Variants in GRM8 observed in about 807,000 individuals in gnomAD.
GRM8 encodes the protein glutamate metabotropic receptor 8, also known as metabotropic glutamate receptor 8.
In GRM8, 47 loss-of-function variants were observed where a neutral mutation model predicts 87.2. The observed-to-expected ratio is 0.54, with a 90% CI of 0.43 to 0.69. The LOEUF (loss-of-function observed/expected upper bound fraction) is 0.69, where lower values mean the gene tolerates loss of function less well. GRM8 is among the 30% of genes least tolerant of loss of function. The pLI is 0.00. For missense variants in GRM8, 1,019 were observed against 1,139.2 expected, an observed-to-expected ratio of 0.89 and a Z score of 1.52; for synonymous variants, 396 against 404.5, an observed-to-expected ratio of 0.98 and a Z score of 0.25.
intron 2 of GRM8, among the ~76,000 whole-genome samples, chr7:127,119,762 C>G (rs912911395): frequency 6.6e-6 from 1 of 152,136 alleles, no homozygotes; most frequent in Admixed American, 6.5e-5. Context: ...TAAGCACTTA[C>G]GATATGTCAA....
intron 6 of GRM8, among the ~76,000 whole-genome samples, chr7:126,817,193 A>T (rs954796031): frequency 6.0e-5 from 9 of 149,078 alleles, no homozygotes; most frequent in Non-Finnish European, 1.0e-4. Flanking sequence ...TACTAACTGG[A>T]TTACTTCTAT....
chr7:126,856,261 T>C (rs557862452), intron 6 of GRM8, among the ~76,000 whole-genome samples: 1 of 152,304 alleles, frequency 6.6e-6, no homozygotes, highest in Admixed American at 6.5e-5. Flanking sequence ...AGTGCATCCT[T>C]TTTATTAGCA....
At chr7:126,937,346 T>C (rs1206962196) in intron 3 of GRM8, among the ~76,000 whole-genome samples, 1 of 152,222 alleles carries the variant, frequency 6.6e-6, no homozygotes, top group African/African-American at 2.4e-5. Flanking sequence ...GCTACTTTAA[T>C]GTGGAACTGG....
intron 3 of GRM8, among the ~76,000 whole-genome samples, chr7:126,914,126 C>G (rs1803610039): frequency 6.6e-6 from 1 of 152,156 alleles, no homozygotes; most frequent in Non-Finnish European, 1.5e-5. Context: ...GAAGCAGACA[C>G]TTCTCAAAAG....
At chr7:127,060,948 C>A (rs1820542899) in intron 3 of GRM8, among the ~76,000 whole-genome samples, 1 of 152,162 alleles carries the variant, frequency 6.6e-6, no homozygotes, top group Non-Finnish European at 1.5e-5. Context: ...CACATTTGTG[C>A]AAATGTGTCC....
At chr7:127,142,336 G>C (rs960111511) in intron 2 of GRM8, among the ~76,000 whole-genome samples, 3 of 152,098 alleles carry the variant, frequency 2.0e-5, no homozygotes, top group African/African-American at 7.2e-5. Context: ...GAGTGCACAA[G>C]CTAGTGCATG....
At chr7:126,448,832 T>A (rs1802302087) in intron 9 of GRM8, among the ~76,000 whole-genome samples, 1 of 151,712 alleles carries the variant, frequency 6.6e-6, no homozygotes, top group Admixed American at 6.6e-5. Flanking sequence ...GGGAGCTAAA[T>A]GATAAGAACA....
chr7:126,745,506 C>A lies in GRM8; in HGVS notation c.1357+24359G>T, dbSNP rs369262278. On this transcript the variant is annotated intron_variant, in intron 7 of 10. Coordinates refer to ENST00000339582, the MANE Select transcript of GRM8 (RefSeq NM_000845.3). ...TCCTAAATATCTTCACTTGAATATT[C>A]CACAGAGAGCTCTCATAGGTCCAAA... Among the ~76,000 whole-genome samples, 41 of 150,966 alleles carry A rather than the reference C, an allele frequency of 2.7e-4. No individual in the cohort carries two copies. The East Asian group carries it at 2.9e-3, about 11-fold the overall frequency.
At chr7:126,723,076 AG>A (rs1458915907) in intron 7 of GRM8, among the ~76,000 whole-genome samples, 2 of 150,110 alleles carry the variant, frequency 1.3e-5, no homozygotes, top group Non-Finnish European at 3.0e-5. Flanking sequence ...TTTTCTTTGG[AG>A]GGTGCTTTTC....
At chr7:126,493,959 G>T (rs1268555013) in intron 9 of GRM8, among the ~76,000 whole-genome samples, 1 of 151,914 alleles carries the variant, frequency 6.6e-6, no homozygotes, top group African/African-American at 2.4e-5. Flanking sequence ...AGCTTCCCTG[G>T]CATGACTGGC....
intron 6 of GRM8, among the ~76,000 whole-genome samples, chr7:126,771,661 T>C (rs1818853234): frequency 6.6e-6 from 1 of 152,102 alleles, no homozygotes; most frequent in South Asian, 2.1e-4. Flanking sequence ...AAATTAGTTT[T>C]CTAAACCTTT....
intron 7 of GRM8, among the ~76,000 whole-genome samples, chr7:126,627,098 T>G (rs969141590): frequency 6.6e-6 from 1 of 152,230 alleles, no homozygotes; most frequent in Non-Finnish European, 1.5e-5. Flanking sequence ...TATTCCTAGA[T>G]AATATTATCT....
intron 10 of GRM8, 140 bp downstream of exon 10, chr7:126,445,986 A>G: frequency 1.0e-6 from 1 of 954,368 alleles, no homozygotes; most frequent in Non-Finnish European, 1.6e-6. Flanking sequence ...TTTAAATGTG[A>G]TGGTGTCACG....
intron 3 of GRM8, among the ~76,000 whole-genome samples, chr7:126,972,671 A>G (rs1297198603): frequency 1.3e-5 from 2 of 152,224 alleles, no homozygotes; most frequent in Non-Finnish European, 2.9e-5. Context: ...TCCTCTTAGG[A>G]ACAAAGATGC....
chr7:126,577,165 A>T (rs1795189261), intron 8 of GRM8, among the ~76,000 whole-genome samples: 1 of 152,214 alleles, frequency 6.6e-6, no homozygotes, highest in African/African-American at 2.4e-5. Context: ...CACAGTCAGG[A>T]GAGCAGAGGT....
At chr7:126,824,319 T>G (rs1030356549) in intron 6 of GRM8, among the ~76,000 whole-genome samples, 2 of 152,152 alleles carry the variant, frequency 1.3e-5, no homozygotes, top group South Asian at 4.1e-4. Context: ...GTATATATTT[T>G]TATGTATGTA....
chr7:126,467,388 T>C (rs536253005), intron 9 of GRM8, among the ~76,000 whole-genome samples: 115 of 152,192 alleles, frequency 7.6e-4, no homozygotes, highest in Non-Finnish European at 1.3e-3. Context: ...TTACTAGTTT[T>C]CACAGCAATT....
intron 2 of GRM8, among the ~76,000 whole-genome samples, chr7:127,162,860 C>G (rs1273523377): frequency 6.6e-6 from 1 of 152,144 alleles, no homozygotes; most frequent in East Asian, 1.9e-4. Flanking sequence ...TGTTTTGTAC[C>G]ATCAAGATTG....
chr7:126,652,874 A>G (rs1032345565), intron 7 of GRM8, among the ~76,000 whole-genome samples: 2 of 152,180 alleles, frequency 1.3e-5, no homozygotes, highest in African/African-American at 4.8e-5. Flanking sequence ...AACAGGCTTA[A>G]GGCTAACTCT....
Sources: allele counts gnomAD v4.1 joint callset (sites outside exome capture counted in the v4.1 genomes callset), GRCh38; gene constraint gnomAD v4.1.1; transcripts MANE v1.5; gene names NCBI Gene and HGNC (gene_info 2026-07-23, HGNC 2026-07-21).